Variants in FAAH2 observed in about 807,000 individuals in gnomAD.
FAAH2 encodes fatty acid amide hydrolase 2, also known as fatty-acid amide hydrolase 2.
A neutral mutation model predicts 36.9 loss-of-function variants in FAAH2; 60 were observed. That is an observed-to-expected ratio of 1.63 (90% CI 1.32 to 2.02). The LOEUF (loss-of-function observed/expected upper bound fraction) is 2.02, where lower values mean the gene tolerates loss of function less well. Ranked by LOEUF, FAAH2 falls within the 30% of genes most tolerant of loss-of-function variation. FAAH2 has a pLI of 0.00. For missense variants in FAAH2, 689 were observed against 397.5 expected (o/e 1.73, Z -6.23); for synonymous variants, 214 against 143.8 (o/e 1.49, Z -3.49).
chrX:57,397,427 T>A (rs1365733288), intron 7 of FAAH2, among the ~76,000 whole-genome samples: 1 of 112,233 alleles, frequency 8.9e-6, no homozygotes, highest in African/African-American at 3.2e-5. Flanking sequence ...TGTTTCCATA[T>A]TTAGTACTTC....
At chrX:57,470,300 C>A (rs1454275477) in intron 10 of FAAH2, among the ~76,000 whole-genome samples, 3 of 110,813 alleles carry the variant, frequency 2.7e-5, no homozygotes, top group African/African-American at 9.8e-5. Flanking sequence ...AAAATATCAA[C>A]GAATCCAGGA....
chrX:57,472,507 T>C (rs1490324864), intron 10 of FAAH2, among the ~76,000 whole-genome samples: 1 of 111,471 alleles, frequency 9.0e-6, no homozygotes, highest in Non-Finnish European at 1.9e-5. Context: ...TTTAGAGAGG[T>C]ATTCCTACAC....
At chrX:57,439,762 T>C (rs2056506283) in intron 8 of FAAH2, among the ~76,000 whole-genome samples, 1 of 112,071 alleles carries the variant, frequency 8.9e-6, no homozygotes, top group South Asian at 3.7e-4. Context: ...TTAATCCATC[T>C]TGAACTAATT....
intron 3 of FAAH2, among the ~76,000 whole-genome samples, chrX:57,324,679 C>T (rs1376004176): frequency 2.7e-5 from 3 of 111,941 alleles, no homozygotes; most frequent in African/African-American, 6.5e-5. Flanking sequence ...GTGATTTTTG[C>T]ACATTGATTT....
At chrX:57,264,886 C>G in the FAAH2 span, among the ~76,000 whole-genome samples, 1 of 111,853 alleles carries the variant, frequency 8.9e-6, no homozygotes, top group Non-Finnish European at 1.9e-5. Flanking sequence ...CGGAGAGGAA[C>G]CAAAGGGGCA....
Position 57,380,961 on chromosome X carries a change from A to C in FAAH2, c.928A>C (p.Met310Leu). ...VHLKDLKFYWMEHDGGSFLMS... is the reference protein window; with the variant it reads ...VHLKDLKFYWLEHDGGSFLMS... ...TTTAAAAGACTTAAAATTTTACTGG[A>C]TGGAACATGATGGAGGCTCATTTTT... is the stretch of plus-strand genomic sequence containing the variant. The change falls in exon 7 of 11, where the codon ATG (methionine) becomes CTG (leucine). Residue 310 changes from methionine (M) to leucine (L), a missense_variant. Met to Leu is a conservative substitution (Grantham distance 15). Coordinates refer to ENST00000374900, the MANE Select transcript of FAAH2 (RefSeq NM_174912.4). The C allele has an allele frequency of 3.3e-6, 4 of 1,201,856 alleles. No homozygotes were observed. The highest frequency in any genetic ancestry group is 4.5e-6 in the Non-Finnish European group (4 of 890,549).
chrX:57,408,555 T>G (rs2055622646), intron 7 of FAAH2, among the ~76,000 whole-genome samples: 1 of 109,881 alleles, frequency 9.1e-6, no homozygotes, highest in African/African-American at 3.3e-5. Flanking sequence ...ATTTATTTAT[T>G]TATTTATTTA....
At chrX:57,121,609 C>T in the FAAH2 span, 1 of 112,735 alleles carries the variant, frequency 8.9e-6, no homozygotes, top group East Asian at 2.8e-4. Context: ...GTCAAACACC[C>T]GGCTCTCCTC....
At chrX:57,281,948 T>A (rs2051758552), upstream of FAAH2, among the ~76,000 whole-genome samples, 1 of 112,185 alleles carries the variant, frequency 8.9e-6, no homozygotes, top group East Asian at 2.8e-4. Context: ...ATGTACCACA[T>A]TTTTGTTATC....
At chrX:57,271,982 A>T in the FAAH2 span, among the ~76,000 whole-genome samples, 1 of 110,066 alleles carries the variant, frequency 9.1e-6, no homozygotes, top group African/African-American at 3.3e-5. Context: ...GTTCTAACCC[A>T]ATGCAAGGAA....
At chrX:57,346,724 T>C (rs979145687) in intron 5 of FAAH2, among the ~76,000 whole-genome samples, 3 of 111,791 alleles carry the variant, frequency 2.7e-5, no homozygotes, top group Non-Finnish European at 5.6e-5. Context: ...GCATCATTCT[T>C]TTGTTTCTAT....
chrX:57,180,333 T>A, the FAAH2 span, among the ~76,000 whole-genome samples: 1 of 111,349 alleles, frequency 9.0e-6, no homozygotes, highest in African/African-American at 3.3e-5. Flanking sequence ...GAGCCATTTT[T>A]AAAAAATATA....
rs746434656 is a variant in FAAH2, at chrX:57,296,173, C to T, written c.275+3593C>T. On this transcript the variant is annotated intron_variant, in intron 2 of 10. Transcript: ENST00000374900. ...TGCCTCCTCAAGTGGGTCCCTGACCCCCGAGTACCCTAACTGGGAGGCACC... is the reference window on the plus strand; with the variant it reads ...TGCCTCCTCAAGTGGGTCCCTGACCTCCGAGTACCCTAACTGGGAGGCACC... 3.6e-5 allele frequency among the ~76,000 whole-genome samples: 4 copies of T among 112,268 alleles called. No individual in the cohort carries two copies. The East Asian group carries it at 1.1e-3, about 32-fold the overall frequency.
At position 57,381,497 on chromosome X, in the gene FAAH2, C is replaced by A. The variant is rs140705088; in HGVS notation, c.996+468C>A. On this transcript the variant is annotated intron_variant, in intron 7 of 10. Coordinates refer to ENST00000374900, the MANE Select transcript of FAAH2 (RefSeq NM_174912.4). ...AAGAATAATAAGGGGAACAGACCTA[C>A]CAAATTTTAAAAGTAATTTTTAAAC... 8.6e-4 allele frequency: 558 copies of A among 649,075 alleles called. 3 individuals are homozygous for A. The African/African-American group carries it at 0.013, about 15-fold the overall frequency. 53.5% of individuals were successfully genotyped at this position (649,075 alleles called of 1,213,427 possible). A position where few individuals can be genotyped will look rare whatever the true frequency, so the allele number is the denominator to read the frequency against.
the FAAH2 span, among the ~76,000 whole-genome samples, chrX:57,220,440 C>T: frequency 1.8e-5 from 2 of 111,303 alleles, no homozygotes; most frequent in South Asian, 7.6e-4. Context: ...CCTTCAAACC[C>T]TCAGAAGGAA....
intron 4 of FAAH2, among the ~76,000 whole-genome samples, chrX:57,335,959 C>T (rs944714587): frequency 1.8e-5 from 2 of 111,660 alleles, no homozygotes; most frequent in Admixed American, 9.5e-5. Context: ...CCTGAGTTGA[C>T]ACAGCACATG....
At chrX:57,154,401 C>T in the FAAH2 span, among the ~76,000 whole-genome samples, 11 of 106,916 alleles carry the variant, frequency 1.0e-4, no homozygotes, top group African/African-American at 3.7e-4. Flanking sequence ...GTAGCTGGGA[C>T]TACAGGCACC....
chrX:57,448,452 G>A, intron 9 of FAAH2, 72 bp from the exon 10 acceptor site: 1 of 966,030 alleles, frequency 1.0e-6, no homozygotes, highest in South Asian at 2.5e-5. Context: ...ACTTGAATAA[G>A]AAAAGATAAA....
chrX:57,240,854 C>T, the FAAH2 span, among the ~76,000 whole-genome samples: 1 of 112,386 alleles, frequency 8.9e-6, no homozygotes, highest in African/African-American at 3.2e-5. Context: ...TATAGCCAGG[C>T]AGGGACCCTG....
Sources: gnomAD v4.1 joint callset for allele counts (sites outside exome capture counted in the v4.1 genomes callset) on GRCh38, gnomAD v4.1.1 for gene constraint, MANE v1.5 for transcripts, NCBI Gene and HGNC (gene_info 2026-07-23, HGNC 2026-07-21) for gene names.